JPH3: variants seen among roughly 807,000 people sequenced by gnomAD.
JPH3 encodes junctophilin 3.
JPH3 carries 11 observed loss-of-function variants against 59.6 expected under a neutral mutation model. The observed-to-expected ratio is 0.18, with a 90% CI of 0.12 to 0.31. The LOEUF (loss-of-function observed/expected upper bound fraction) is 0.31, where lower values mean the gene tolerates loss of function less well. Among genes scored for constraint, JPH3 ranks in the 10% least tolerant of loss-of-function variants. The pLI, the probability that JPH3 is intolerant of heterozygous loss-of-function variation, is 1.00. For synonymous variants in JPH3, 673 were observed against 483.6 expected, an observed-to-expected ratio of 1.39 and a Z score of -5.14; for missense variants, 1,202 against 1,105.7, an observed-to-expected ratio of 1.09 and a Z score of -1.24.
At chr16:87,649,647 C>T (rs966960616) in intron 2 of JPH3, among the ~76,000 whole-genome samples, 3 of 152,232 alleles carry the variant, frequency 2.0e-5, no homozygotes, top group African/African-American at 4.8e-5. Flanking sequence ...CATCCCCACC[C>T]GCCGTGGAAA....
At chr16:87,642,289 G>A (rs1159867198) in intron 1 of JPH3, among the ~76,000 whole-genome samples, 1 of 152,094 alleles carries the variant, frequency 6.6e-6, no homozygotes, top group Non-Finnish European at 1.5e-5. Context: ...CGCTCCGAGA[G>A]ATGGCGGCAC....
In JPH3 at chr16:87,653,738, T is replaced by G. The variant is rs374850833; in HGVS notation, c.1160+8703T>G. The G allele has an allele frequency of 3.2e-4, 49 of 152,222 alleles. 1 individual carries two copies. Among genetic ancestry groups the G allele is most frequent in the African/African-American group, 1.2e-3 (49 of 41,518 alleles). The allele number at this position is 152,222 out of a possible 1,614,324, so 9.4% of individuals were successfully genotyped here. A position where few individuals can be genotyped will look rare whatever the true frequency, so the allele number is the denominator to read the frequency against. ...ATGTGATCGTGACTGTAATTGGAAA[T>G]AGGGTCGTTGCAGATATAATTAAGA... is the stretch of plus-strand genomic sequence containing the variant. On this transcript the variant is annotated intron_variant, in intron 2 of 4. Coordinates refer to ENST00000284262, the MANE Select transcript of JPH3 (RefSeq NM_020655.4).
intron 1 of JPH3, among the ~76,000 whole-genome samples, chr16:87,629,900 G>A (rs934524814): frequency 2.0e-5 from 3 of 152,160 alleles, no homozygotes; most frequent in Non-Finnish European, 4.4e-5. Flanking sequence ...CAGGGGAAGT[G>A]GGGGGCGAGG....
intron 2 of JPH3, among the ~76,000 whole-genome samples, chr16:87,683,290 A>G (rs1037862263): frequency 9.9e-5 from 15 of 152,174 alleles, no homozygotes; most frequent in Non-Finnish European, 1.6e-4. Flanking sequence ...TTTGTTGATA[A>G]TAAGAACAGA....
chr16:87,696,151 G>C, intron 4 of JPH3: 2 of 457,582 alleles, frequency 4.4e-6, no homozygotes, highest in Non-Finnish European at 8.7e-6. Flanking sequence ...TCTGACACTG[G>C]CCATGGCAGC....
intron 1 of JPH3, among the ~76,000 whole-genome samples, chr16:87,633,250 T>G (rs2031621266): frequency 6.6e-6 from 1 of 151,992 alleles, no homozygotes; most frequent in African/African-American, 2.4e-5. Flanking sequence ...TCTGAGTCCC[T>G]TCATAGAAAG....
chr16:87,689,273 T>TGA (rs2033495297), intron 3 of JPH3, among the ~76,000 whole-genome samples: 1 of 151,894 alleles, frequency 6.6e-6, no homozygotes, highest in Admixed American at 6.5e-5. Flanking sequence ...TCAGCTAGGG[T>TGA]GAGGGGCTTC....
intron 3 of JPH3, among the ~76,000 whole-genome samples, chr16:87,686,643 T>C (rs886124089): frequency 7.2e-6 from 1 of 138,968 alleles, no homozygotes; most frequent in African/African-American, 2.8e-5. Flanking sequence ...CAGTCCTGGA[T>C]TCAGAGGAGA....
At chr16:87,684,573 T>C in intron 3 of JPH3, 1 of 374,878 alleles carries the variant, frequency 2.7e-6, no homozygotes, top group Non-Finnish European at 5.0e-6. Flanking sequence ...CTGTGCTGTC[T>C]GCTGCCCGCC....
chr16:87,650,283 T>G (rs73238266), intron 2 of JPH3, among the ~76,000 whole-genome samples: 3,017 of 152,324 alleles, frequency 0.02, 122 homozygotes, highest in African/African-American at 0.068. Flanking sequence ...AGTGTGGTTA[T>G]TTTGGGATGC....
intron 3 of JPH3, among the ~76,000 whole-genome samples, chr16:87,686,866 C>T (rs905036491): frequency 4.6e-5 from 7 of 152,310 alleles, no homozygotes; most frequent in Non-Finnish European, 7.4e-5. Flanking sequence ...GAGACGGGGC[C>T]GCTGCTGCCT....
chr16:87,629,548 C>T (rs2031494870), intron 1 of JPH3, among the ~76,000 whole-genome samples: 1 of 152,068 alleles, frequency 6.6e-6, no homozygotes, highest in African/African-American at 2.4e-5. Flanking sequence ...CGACGCGGAG[C>T]AGCCTTCAAT....
intron 2 of JPH3, among the ~76,000 whole-genome samples, chr16:87,681,719 GT>G (rs1264827368): frequency 2.0e-5 from 3 of 152,182 alleles, no homozygotes; most frequent in African/African-American, 7.2e-5. Context: ...GGAAGGTCAA[GT>G]GCATGTGGTC....
intron 1 of JPH3, among the ~76,000 whole-genome samples, chr16:87,639,125 C>A (rs1428905951): frequency 6.6e-6 from 1 of 152,148 alleles, no homozygotes; most frequent in East Asian, 1.9e-4. Flanking sequence ...AGGGCTTTTG[C>A]GATGATCATA....
At chr16:87,668,536 A>G (rs1357093691) in intron 2 of JPH3, among the ~76,000 whole-genome samples, 2 of 152,128 alleles carry the variant, frequency 1.3e-5, no homozygotes, top group East Asian at 3.9e-4. Context: ...GTTACACCAA[A>G]TGCAGTTTCC....
chr16:87,613,846 C>G (rs763314663), intron 1 of JPH3, among the ~76,000 whole-genome samples: 1 of 152,160 alleles, frequency 6.6e-6, no homozygotes, highest in Non-Finnish European at 1.5e-5. Flanking sequence ...TAAGATAATG[C>G]CTTGAGATAA....
At chr16:87,692,396 G>C (rs2142840939) in intron 4 of JPH3, among the ~76,000 whole-genome samples, 1 of 152,314 alleles carries the variant, frequency 6.6e-6, no homozygotes, top group East Asian at 1.9e-4. Context: ...CGGGTGCCAG[G>C]CTGGGCTGAG....
At chr16:87,683,309 C>CT (rs571124026) in intron 2 of JPH3, among the ~76,000 whole-genome samples, 264 of 145,704 alleles carry the variant, frequency 1.8e-3, no homozygotes, top group South Asian at 7.1e-3. Context: ...GAAACATTTT[C>CT]TTTTTTTTTT....
intron 2 of JPH3, among the ~76,000 whole-genome samples, chr16:87,683,553 C>T (rs535361491): frequency 6.6e-6 from 1 of 152,198 alleles, no homozygotes; most frequent in Admixed American, 6.5e-5. Flanking sequence ...ATCTGCCCGC[C>T]TCAGCCTCCC....
Sources: allele counts gnomAD v4.1 joint callset (sites outside exome capture counted in the v4.1 genomes callset), GRCh38; gene constraint gnomAD v4.1.1; transcripts MANE v1.5; gene names NCBI Gene and HGNC (gene_info 2026-07-23, HGNC 2026-07-21).